GRIK3: variants seen among roughly 807,000 people sequenced by gnomAD.
GRIK3 encodes glutamate receptor ionotropic, kainate 3.
Under a neutral mutation model 102.5 loss-of-function variants are expected in GRIK3, and 29 were observed. The observed-to-expected ratio is 0.28, with a 90% CI of 0.21 to 0.39. GRIK3 has a LOEUF of 0.39. Among genes scored for constraint, GRIK3 ranks in the 10% least tolerant of loss-of-function variants. The probability of loss-of-function intolerance (pLI) is 1.00; values close to 1 mark genes in which losing one functional copy is unlikely to be tolerated. For missense variants in GRIK3, 908 were observed against 1,252.4 expected (o/e 0.73, Z 4.15); for synonymous variants, 511 against 504.9 (o/e 1.01, Z -0.16).
intron 1 of GRIK3, among the ~76,000 whole-genome samples, chr1:36,900,494 T>C (rs1268507101): frequency 6.6e-6 from 1 of 152,138 alleles, no homozygotes; most frequent in Admixed American, 6.6e-5. Flanking sequence ...TAAAAATATT[T>C]TGAACTAAAT....
At chr1:36,859,639 C>A (rs1416470165) in intron 6 of GRIK3, among the ~76,000 whole-genome samples, 1 of 152,194 alleles carries the variant, frequency 6.6e-6, no homozygotes, top group African/African-American at 2.4e-5. Flanking sequence ...GCTTACATGT[C>A]TGGATCCCCA....
chr1:36,877,832 T>C (rs1257639935), intron 3 of GRIK3, among the ~76,000 whole-genome samples: 1 of 152,210 alleles, frequency 6.6e-6, no homozygotes, highest in African/African-American at 2.4e-5. Flanking sequence ...GCCAAGGCCA[T>C]AGAGCTTCCA....
intron 1 of GRIK3, among the ~76,000 whole-genome samples, chr1:36,934,679 G>A (rs1214882244): frequency 6.6e-6 from 1 of 152,158 alleles, no homozygotes; most frequent in Non-Finnish European, 1.5e-5. Context: ...CGTTGCTGGG[G>A]CCTCGCTTAT....
chr1:37,024,795 G>T (rs1642751238), intron 1 of GRIK3, among the ~76,000 whole-genome samples: 1 of 151,036 alleles, frequency 6.6e-6, no homozygotes, highest in South Asian at 2.1e-4. Context: ...GGTGGGAAGT[G>T]AGGGAGGCAG....
At chr1:37,018,579 G>C (rs1384684743) in intron 1 of GRIK3, among the ~76,000 whole-genome samples, 1 of 152,156 alleles carries the variant, frequency 6.6e-6, no homozygotes, top group Non-Finnish European at 1.5e-5. Flanking sequence ...GCAGAGCAGA[G>C]ACTAATAAGG....
chr1:36,853,672 G>A lies in GRIK3; in HGVS notation c.1155C>T (p.Gly385=), dbSNP rs1018079630. The A allele has an allele frequency of 5.4e-5, 87 of 1,614,060 alleles. No individual in the cohort carries two copies. The highest frequency in any genetic ancestry group is 6.9e-5 in the Non-Finnish European group (82 of 1,179,888). ...TGRIVFNKTS[G]LRTDFDLDII... ...TGTCCAGATCAAAATCCGTCCGCAA[G>A]CCACTAGTTTTGTTGAAAACAATTC... The change falls in exon 8 of 16, where the codon GGC becomes GGT. Residue 385 remains glycine (G), a synonymous_variant. Coordinates refer to ENST00000373091, the MANE Select transcript of GRIK3 (RefSeq NM_000831.4).
intron 1 of GRIK3, among the ~76,000 whole-genome samples, chr1:36,895,175 A>AAG (rs1388219023): frequency 6.6e-6 from 1 of 152,146 alleles, no homozygotes; most frequent in Non-Finnish European, 1.5e-5. Flanking sequence ...TAAATCACTA[A>AAG]AGGCCTTATT....
At chr1:36,807,042 G>C (rs1456783299) in intron 13 of GRIK3, among the ~76,000 whole-genome samples, 1 of 152,186 alleles carries the variant, frequency 6.6e-6, no homozygotes, top group Non-Finnish European at 1.5e-5. Context: ...GGAAGGAGCA[G>C]GGTGCGAATT....
At chr1:37,008,816 G>A (rs142790133) in intron 1 of GRIK3, among the ~76,000 whole-genome samples, 7 of 152,166 alleles carry the variant, frequency 4.6e-5, no homozygotes, top group Non-Finnish European at 7.4e-5. Context: ...GGAGATGAAT[G>A]GTAGCCAATA....
At chr1:36,809,687 A>G (rs1394240252) in intron 13 of GRIK3, among the ~76,000 whole-genome samples, 1 of 152,220 alleles carries the variant, frequency 6.6e-6, no homozygotes, top group Non-Finnish European at 1.5e-5. Context: ...TGCTCTTTCC[A>G]GTAACACAAC....
intron 1 of GRIK3, among the ~76,000 whole-genome samples, chr1:36,925,595 C>T (rs1039592450): frequency 7.2e-5 from 11 of 152,266 alleles, no homozygotes; most frequent in Non-Finnish European, 1.3e-4. Flanking sequence ...CTGGCCTGGC[C>T]TTGCAGTGTG....
intron 1 of GRIK3, among the ~76,000 whole-genome samples, chr1:37,014,449 A>C (rs960735175): frequency 2.6e-5 from 4 of 152,236 alleles, no homozygotes; most frequent in Admixed American, 2.6e-4. Flanking sequence ...GATGTATTCC[A>C]TCTATAGAGT....
intron 1 of GRIK3, among the ~76,000 whole-genome samples, chr1:37,030,716 G>C (rs1189155620): frequency 1.3e-5 from 2 of 152,002 alleles, no homozygotes; most frequent in Non-Finnish European, 2.9e-5. Flanking sequence ...TCAAATTCCA[G>C]GCTGGCCCTC....
At chr1:37,012,240 T>C (rs894919787) in intron 1 of GRIK3, among the ~76,000 whole-genome samples, 1 of 152,230 alleles carries the variant, frequency 6.6e-6, no homozygotes, top group Admixed American at 6.5e-5. Context: ...GTTCAGCGAT[T>C]TTGTAAAAAA....
At chr1:36,890,205 G>A (rs886800010) in intron 2 of GRIK3, among the ~76,000 whole-genome samples, 5 of 152,198 alleles carry the variant, frequency 3.3e-5, no homozygotes, top group African/African-American at 4.8e-5. Flanking sequence ...ACAGTGGCCT[G>A]TAATCCCAGT....
At chr1:36,960,558 C>T (rs931538778) in intron 1 of GRIK3, among the ~76,000 whole-genome samples, 10 of 152,158 alleles carry the variant, frequency 6.6e-5, no homozygotes, top group Non-Finnish European at 1.0e-4. Flanking sequence ...GCTAAGCAAC[C>T]GCCTCTAGGC....
intron 1 of GRIK3, among the ~76,000 whole-genome samples, chr1:36,979,309 C>T (rs1642226584): frequency 6.6e-6 from 1 of 152,212 alleles, no homozygotes; most frequent in Admixed American, 6.5e-5. Context: ...AACCAACAGG[C>T]CAGGTCTTAC....
chr1:36,912,475 C>T (rs1255323104), intron 1 of GRIK3, among the ~76,000 whole-genome samples: 1 of 152,002 alleles, frequency 6.6e-6, no homozygotes. Context: ...CCTGCACACC[C>T]TTGCTTGGCT....
chr1:36,851,148 G>A (rs933395104), intron 8 of GRIK3, among the ~76,000 whole-genome samples: 1 of 152,198 alleles, frequency 6.6e-6, no homozygotes, highest in South Asian at 2.1e-4. Context: ...CCTTGGCCCA[G>A]TTAGGGGGGC....
Sources: allele counts gnomAD v4.1 joint callset (sites outside exome capture counted in the v4.1 genomes callset), GRCh38; gene constraint gnomAD v4.1.1; transcripts MANE v1.5; gene names NCBI Gene and HGNC (gene_info 2026-07-23, HGNC 2026-07-21).